The following SLC22A6 variants were observed in gnomAD, a reference collection of about 807,000 sequenced individuals.
The protein encoded by SLC22A6 is solute carrier family 22 member 6.
Under a neutral mutation model 56.7 loss-of-function variants are expected in SLC22A6, and 45 were observed. The observed-to-expected ratio is 0.79, with a 90% CI of 0.63 to 1.02. SLC22A6 has a LOEUF of 1.02. SLC22A6 is among the 50% of genes least tolerant of loss of function. SLC22A6 has a pLI of 0.00. For missense variants in SLC22A6, 606 were observed against 713.8 expected, an observed-to-expected ratio of 0.85 and a Z score of 1.72; for synonymous variants, 291 against 295.9, an observed-to-expected ratio of 0.98 and a Z score of 0.17.
Position 62,983,978 on chromosome 11 carries a change from G to A in SLC22A6, c.439C>T (p.Leu147Phe). 1.9e-6 allele frequency: 3 copies of A among 1,613,890 alleles called. No homozygotes were observed. Among genetic ancestry groups the A allele is most frequent in the Non-Finnish European group, 1.7e-6 (2 of 1,179,858 alleles). ...AQSLYMVGVL[L>F]GAMVFGYLAD... is the part of the protein sequence containing the mutation. Reference sequence around the variant, plus strand: ...AGGTAGCCGAACACCATGGCTCCGAGCAGCACCCCCACCATGTACAAGGAC... The same window carrying A: ...AGGTAGCCGAACACCATGGCTCCGAACAGCACCCCCACCATGTACAAGGAC... The change falls in exon 2 of 10, where the codon CTC (leucine) becomes TTC (phenylalanine). Residue 147 changes from leucine to phenylalanine, a missense_variant. By Grantham distance (22) the Leu-to-Phe change is conservative. Coordinates refer to ENST00000360421, the MANE Select transcript of SLC22A6 (RefSeq NM_153276.3). This position sits in a 1 kb window ranked among gnomAD's most constrained non-coding sequence, Gnocchi z 4.5.
chr11:62,981,275 G>A lies in SLC22A6; in HGVS notation c.906C>T (p.Ala302=), dbSNP rs370684842. The A allele has an allele frequency of 1.2e-6, 2 of 1,609,666 alleles. No homozygotes were observed. The highest frequency in any genetic ancestry group is 2.7e-5 in the African/African-American group (2 of 74,978). The change falls in exon 5 of 10, where the codon GCC becomes GCT. Residue 302 remains alanine (A), a synonymous_variant. Coordinates refer to ENST00000360421, the MANE Select transcript of SLC22A6 (RefSeq NM_153276.3). ...GGGATCTCACCTCCATACTCAATTT[G>A]GCTCCTTCTTCCCGCTTCCCATTGA... The part of the protein sequence containing the change: ...ARINGKREEG[A]KLSMEVLRAS...
In SLC22A6 at chr11:62,981,985, T is replaced by A. The variant is rs772297098; in HGVS notation, c.654A>T (p.Thr218=). The part of the protein sequence containing the change: ...TLNVEWMPIH[T]RACVGTLIGY... ...CAATCAAGGTGCCCACGCAGGCCCG[T>A]GTGTGAATGGGCATCCACTCCACAT... The change falls in exon 4 of 10, where the codon ACA becomes ACT. Residue 218 remains threonine (T), a synonymous_variant. Transcript: ENST00000360421. 3.7e-6 allele frequency: 6 copies of A among 1,613,884 alleles called. No individual in the cohort carries two copies. Among genetic ancestry groups the A allele is most frequent in the Non-Finnish European group, 4.2e-6 (5 of 1,179,954 alleles).
chr11:62,977,501 C>A, intron 8 of SLC22A6, 114 bp from the exon 9 acceptor site: 2 of 1,198,734 alleles, frequency 1.7e-6, no homozygotes, highest in East Asian at 5.1e-5. Flanking sequence ...CTCCCGGTAC[C>A]TCCTCTCTTC....
chr11:62,984,522 G>A lies in SLC22A6; in HGVS notation c.169C>T (p.Leu57Phe). ...HHCRPPADAN[L>F]SKNGGLEVWL... is the part of the protein sequence containing the mutation. The stretch of plus-strand genomic sequence containing the variant: ...ACCTCCAGCCCCCCGTTCTTGCTGA[G>A]GTTGGCATCGGCAGGCGGGCGGCAG... Residue 57 changes from leucine (L) to phenylalanine (F), a missense_variant, in exon 1 of 10, where the codon CTC becomes TTC. Leu to Phe is a conservative substitution (Grantham distance 22). Coordinates refer to ENST00000360421, the MANE Select transcript of SLC22A6 (RefSeq NM_153276.3). 1 of 1,614,054 alleles carries A rather than the reference G, an allele frequency of 6.2e-7. No individual in the cohort carries two copies. Among genetic ancestry groups the A allele is most frequent in the Non-Finnish European group, 8.5e-7 (1 of 1,179,976 alleles).
Position 62,984,789 on chromosome 11 carries a change from T to G in SLC22A6, c.-99A>C. ...CTGTCCTTCGCTGGAGGAGCAGCAC[T>G]GCCGTTGCCTCCGCAGCTGGGTTGC... On this transcript the variant is annotated 5_prime_UTR_variant, in exon 1 of 10. Transcript: ENST00000360421. The G allele has an allele frequency of 1.5e-6, 2 of 1,343,886 alleles. No homozygotes were observed. Among genetic ancestry groups the G allele is most frequent in the Non-Finnish European group, 2.0e-6 (2 of 1,002,354 alleles). The allele number at this position is 1,343,886 out of a possible 1,614,324, so 83.2% of individuals were successfully genotyped here. A position where few individuals can be genotyped will look rare whatever the true frequency, so the allele number is the denominator to read the frequency against.
At chr11:62,979,024 A>G (rs1487465667) in intron 8 of SLC22A6, among the ~76,000 whole-genome samples, 1 of 152,218 alleles carries the variant, frequency 6.6e-6, no homozygotes, top group Non-Finnish European at 1.5e-5. Flanking sequence ...TTAGGACTCA[A>G]ATAAGCAATA....
At chr11:62,981,207 G>T in intron 5 of SLC22A6, 53 bp downstream of exon 5, 1 of 1,606,812 alleles carries the variant, frequency 6.2e-7, no homozygotes, top group African/African-American at 1.3e-5. Context: ...TGGGTTTGGG[G>T]TTTGGGGGTG....
intron 8 of SLC22A6, among the ~76,000 whole-genome samples, chr11:62,978,665 C>T (rs1251320895): frequency 1.4e-5 from 2 of 144,140 alleles, no homozygotes; most frequent in Non-Finnish European, 3.0e-5. Flanking sequence ...CATCTTGGCT[C>T]ACTGCAAGCT....
In SLC22A6 at chr11:62,981,112, G is replaced by A. The variant is rs200212061; in HGVS notation, c.922-12C>T. 1.9e-4 allele frequency: 301 copies of A among 1,610,048 alleles called. 5 individuals are homozygous for A. In the South Asian group the frequency reaches 3.0e-3, roughly 16 times the overall value. ...CTGGCCCGGAGTACCTGCTGGGACC[G>A]GCAGAGCTCAGGGCCCGGGATCCTC... On this transcript the variant is annotated splice_polypyrimidine_tract_variant and intron_variant, in intron 5 of 9. Transcript: ENST00000360421.
chr11:62,979,386 G>C, intron 8 of SLC22A6, 102 bp downstream of exon 8: 1 of 815,120 alleles, frequency 1.2e-6, no homozygotes, highest in Non-Finnish European at 2.1e-6. Flanking sequence ...AGGGGCCTTT[G>C]GGCTGGGATG....
In SLC22A6 at chr11:62,981,306, G is replaced by C. The variant is rs1330745080; in HGVS notation, c.875C>G (p.Ala292Gly). 1 of 1,606,354 alleles carries C rather than the reference G, an allele frequency of 6.2e-7. No homozygotes were observed. Among genetic ancestry groups the C allele is most frequent in the Admixed American group, 1.7e-5 (1 of 58,822 alleles). Residue 292 changes from alanine to glycine, a missense_variant, in exon 5 of 10, where the codon GCC becomes GGC. Coordinates refer to ENST00000360421, the MANE Select transcript of SLC22A6 (RefSeq NM_153276.3). ...DLTLRALQRV[A>G]RINGKREEGA... ...TTCTTCCCGCTTCCCATTGATCCGG[G>C]CGACTCTCTGCAGGGCCCTCAGGGT...
intron 8 of SLC22A6, 127 bp downstream of exon 8, chr11:62,979,361 A>T: frequency 1.5e-6 from 1 of 688,784 alleles, no homozygotes; most frequent in South Asian, 1.7e-5. Context: ...GTGCCTTGCA[A>T]TGATGAGTGT....
intron 7 of SLC22A6, 24 bp downstream of exon 7, chr11:62,979,710 G>A (rs2086230828): frequency 1.2e-6 from 2 of 1,610,072 alleles, no homozygotes. Flanking sequence ...AGGAGAAGGG[G>A]CCAAGGTGCT....
intron 3 of SLC22A6, among the ~76,000 whole-genome samples, chr11:62,982,335 C>T (rs1412807576): frequency 1.3e-5 from 2 of 152,164 alleles, no homozygotes; most frequent in Non-Finnish European, 2.9e-5. Context: ...AACCATTCCT[C>T]TGGTCTTCCT....
rs751400820 is a variant in SLC22A6, at chr11:62,984,049, T to C, written c.370-2A>G. 7 of 1,603,782 alleles carry C rather than the reference T, an allele frequency of 4.4e-6. No homozygotes were observed. The Admixed American group carries it at 1.0e-4, about 23-fold the overall frequency. On this transcript the variant is annotated splice_acceptor_variant, in intron 1 of 9. Transcript: ENST00000360421. LOFTEE classifies it high-confidence loss of function. ...CCTGTGAGAGCACACAAGGTCCCAC[T>C]GTGGGGAGAGGAGCAAGGGTCAGGC...
chr11:62,983,920 C>T lies in SLC22A6; in HGVS notation c.473+24G>A, dbSNP rs1221829967. The T allele has an allele frequency of 6.4e-7, 1 of 1,557,704 alleles. No individual in the cohort carries two copies. The highest frequency in any genetic ancestry group is 1.1e-5 in the South Asian group (1 of 88,616). The stretch of plus-strand genomic sequence containing the variant: ...GCCCCTAATCCCAGCCCAGCCCAGC[C>T]CCTTGACCCTACCCAGGACTGACCT... On this transcript the variant is annotated intron_variant, in intron 2 of 9. Transcript: ENST00000360421. The surrounding 1 kb of genome is among the most constrained non-coding windows in gnomAD (Gnocchi z 4.5).
At position 62,977,340 on chromosome 11, in the gene SLC22A6, A is replaced by ATGCTGCCCACTCGGGCCATGG. The variant is rs2086202113; in HGVS notation, c.1388_1408dup (p.Thr463_Ser469dup). The ATGCTGCCCACTCGGGCCATGG allele has an allele frequency of 6.2e-7, 1 of 1,613,008 alleles. No individual in the cohort carries two copies. The highest frequency in any genetic ancestry group is 8.5e-7 in the Non-Finnish European group (1 of 1,179,944). ...AGTCATGCTCACCAGTGGGCTCACG[A>ATGCTGCCCACTCGGGCCATGG]TGCTGCCCACTCGGGCCATGGTGCT... On this transcript the variant is annotated inframe_insertion, in exon 9 of 10. Transcript: ENST00000360421.
rs781495703 is a variant in SLC22A6 at position 62,983,931 on chromosome 11, A to G, written c.473+13T>C. The G allele has an allele frequency of 2.5e-6, 4 of 1,594,534 alleles. No individual in the cohort carries two copies. The East Asian group carries it at 9.0e-5, about 36-fold the overall frequency. ...CAGCCCAGCCCAGCCCCTTGACCCTACCCAGGACTGACCTGTCTGCAAGGT... is the reference window on the plus strand; with the variant it reads ...CAGCCCAGCCCAGCCCCTTGACCCTGCCCAGGACTGACCTGTCTGCAAGGT... On this transcript the variant is annotated intron_variant, in intron 2 of 9. Transcript: ENST00000360421. This position sits in a 1 kb window ranked among gnomAD's most constrained non-coding sequence, Gnocchi z 4.5.
chr11:62,979,615 G>T lies in SLC22A6; in HGVS notation c.1253-19C>A. The T allele has an allele frequency of 6.2e-7, 1 of 1,604,876 alleles. No individual in the cohort carries two copies. Among genetic ancestry groups the T allele is most frequent in the South Asian group, 1.1e-5 (1 of 90,904 alleles). On this transcript the variant is annotated intron_variant, in intron 7 of 9. Coordinates refer to ENST00000360421, the MANE Select transcript of SLC22A6 (RefSeq NM_153276.3). ...GACTGGTCTAGAGAGAAAGAAGGGG[G>T]GATAGCAGGAGCTTGGGAGTGGAGG...
Sources: allele counts gnomAD v4.1 joint callset (sites outside exome capture counted in the v4.1 genomes callset), GRCh38; gene constraint gnomAD v4.1.1; non-coding constraint Gnocchi (gnomAD v3.1); transcripts MANE v1.5; gene names NCBI Gene and HGNC (gene_info 2026-07-23, HGNC 2026-07-21).